Variants in IFRD1 observed in about 807,000 individuals in gnomAD.
IFRD1 encodes interferon-related developmental regulator 1.
IFRD1 carries 35 observed loss-of-function variants against 52.9 expected under a neutral mutation model. That is an observed-to-expected ratio of 0.66 (90% CI 0.51 to 0.88). The LOEUF (loss-of-function observed/expected upper bound fraction) is 0.88, where lower values mean the gene tolerates loss of function less well. Ranked by LOEUF, IFRD1 falls within the 40% of genes least tolerant of loss-of-function variation. IFRD1 has a pLI of 0.00. For synonymous variants in IFRD1, 184 were observed against 188.4 expected, an observed-to-expected ratio of 0.98 and a Z score of 0.19; for missense variants, 517 against 550.8, an observed-to-expected ratio of 0.94 and a Z score of 0.61.
upstream of IFRD1, among the ~76,000 whole-genome samples, chr7:112,445,559 T>C (rs535658082): frequency 6.6e-6 from 1 of 152,228 alleles, no homozygotes; most frequent in Non-Finnish European, 1.5e-5. Context: ...TTGCAATAAA[T>C]GTTAGCCTCA....
At chr7:112,471,898 C>T (rs917602930) in intron 9 of IFRD1, among the ~76,000 whole-genome samples, 10 of 152,110 alleles carry the variant, frequency 6.6e-5, no homozygotes, top group African/African-American at 2.4e-4. Context: ...CCTCTCCCAT[C>T]CTAGGCCATT....
intron 7 of IFRD1, 43 bp from the exon 8 acceptor site, chr7:112,462,227 A>G (rs1275224072): frequency 1.2e-6 from 2 of 1,609,386 alleles, no homozygotes; most frequent in East Asian, 2.2e-5. Context: ...TTTAGTGGAC[A>G]TAATTGGTTG....
chr7:112,424,139 C>T (rs1403771747), intron 1 of IFRD1, among the ~76,000 whole-genome samples: 1 of 152,086 alleles, frequency 6.6e-6, no homozygotes, highest in African/African-American at 2.4e-5. Flanking sequence ...AGGGAGCCAG[C>T]AGGTGGGGGT....
Position 112,464,890 on chromosome 7 carries a change from T to A in IFRD1, c.906+2512T>A, listed in dbSNP as rs185265519. On this transcript the variant is annotated intron_variant, in intron 8 of 11. Coordinates refer to ENST00000403825, the MANE Select transcript of IFRD1 (RefSeq NM_001550.4). The stretch of plus-strand genomic sequence containing the variant: ...ACCAAATATACTCCTTGGAGCCAAA[T>A]CTGAAATCACCTAGATTTTATACTT... Among the ~76,000 whole-genome samples the A allele has an allele frequency of 2.2e-3, 334 of 152,276 alleles. 1 individual carries two copies. The highest frequency in any genetic ancestry group is 7.6e-3 in the African/African-American group (317 of 41,558).
intron 1 of IFRD1, among the ~76,000 whole-genome samples, chr7:112,425,504 C>T (rs1794407802): frequency 6.6e-6 from 1 of 152,170 alleles, no homozygotes; most frequent in South Asian, 2.1e-4. Flanking sequence ...ATTCTAGGTT[C>T]TTTGGCTTTT....
intron 1 of IFRD1, among the ~76,000 whole-genome samples, chr7:112,428,913 C>T (rs1373595987): frequency 6.6e-6 from 1 of 152,172 alleles, no homozygotes; most frequent in Non-Finnish European, 1.5e-5. Flanking sequence ...CAATCCTCTT[C>T]TCAAAAGCTA....
At chr7:112,431,657 T>C (rs1245759815) in intron 1 of IFRD1, among the ~76,000 whole-genome samples, 2 of 152,224 alleles carry the variant, frequency 1.3e-5, no homozygotes, top group Admixed American at 6.5e-5. Flanking sequence ...ATAATCTGTT[T>C]CTCCACTATC....
chr7:112,440,890 C>T (rs1584474742), intron 1 of IFRD1, among the ~76,000 whole-genome samples: 1 of 152,156 alleles, frequency 6.6e-6, no homozygotes, highest in African/African-American at 2.4e-5. Flanking sequence ...AATCCCAGTA[C>T]TTTGGGACGC....
chr7:112,462,016 CTG>C lies in IFRD1; in HGVS notation c.635_636del (p.Leu212ArgfsTer9). The C allele has an allele frequency of 1.2e-6, 2 of 1,612,422 alleles. No homozygotes were observed. The highest frequency in any genetic ancestry group is 1.7e-6 in the Non-Finnish European group (2 of 1,178,814). On this transcript the variant is annotated frameshift_variant, in exon 7 of 12. Coordinates refer to ENST00000403825, the MANE Select transcript of IFRD1 (RefSeq NM_001550.4). LOFTEE classifies it high-confidence loss of function. ...TDDITELYST[L>X]ECLENIFTKS... The stretch of plus-strand genomic sequence containing the variant: ...TATGCATTAGGAACTATACTCAACT[CTG>C]GAATGTTTGGAAAATATCTTCACTA...
chr7:112,469,316 A>G (rs115372683), intron 9 of IFRD1, among the ~76,000 whole-genome samples: 2,286 of 152,294 alleles, frequency 0.015, 59 homozygotes, highest in African/African-American at 0.051. Context: ...TTAGAAAAGT[A>G]AAATCTAGGA....
At chr7:112,457,385 T>G (rs764549753) in intron 4 of IFRD1, 3 of 376,572 alleles carry the variant, frequency 8.0e-6, no homozygotes, top group Non-Finnish European at 1.4e-5. Flanking sequence ...ATATAAAACA[T>G]TGATTGTACC....
chr7:112,427,079 GC>G (rs1477836080), intron 1 of IFRD1, among the ~76,000 whole-genome samples: 1 of 152,096 alleles, frequency 6.6e-6, no homozygotes, highest in East Asian at 1.9e-4. Flanking sequence ...CTTAACCTTG[GC>G]AAAATAAGCT....
At chr7:112,441,440 G>GAA (rs34492608) in intron 1 of IFRD1, among the ~76,000 whole-genome samples, 104 of 144,924 alleles carry the variant, frequency 7.2e-4, no homozygotes, top group East Asian at 8.1e-4. Flanking sequence ...CACCATCTCA[G>GAA]AAAAAAAAAA....
At chr7:112,465,987 A>C (rs1584497825) in intron 8 of IFRD1, among the ~76,000 whole-genome samples, 1 of 152,176 alleles carries the variant, frequency 6.6e-6, no homozygotes, top group East Asian at 1.9e-4. Flanking sequence ...AAATAGATTT[A>C]TAATTTATAA....
intron 9 of IFRD1, among the ~76,000 whole-genome samples, chr7:112,468,544 G>C (rs966877140): frequency 1.1e-4 from 16 of 152,172 alleles, no homozygotes; most frequent in African/African-American, 3.4e-4. Flanking sequence ...GTGTTGCCCA[G>C]ACTGGAGTGC....
Position 112,442,320 on chromosome 7 carries a change from C to T in IFRD1, c.-181-8188C>T, listed in dbSNP as rs150142295. ...CCTTGCTTACTGATGTCTAAAATTC[C>T]ATCTTTAGCAGAGTCATTTCTTTCT... On this transcript the variant is annotated intron_variant, in intron 1 of 12. Coordinates refer to the IFRD1 transcript ENST00000005558. Among the ~76,000 whole-genome samples, 779 of 152,300 alleles carry T rather than the reference C, an allele frequency of 5.1e-3. 8 individuals carry two copies. Among genetic ancestry groups the T allele is most frequent in the African/African-American group, 0.017 (720 of 41,542 alleles).
chr7:112,467,731 G>A (rs1795645941), intron 8 of IFRD1: 3 of 456,266 alleles, frequency 6.6e-6, no homozygotes, highest in Non-Finnish European at 1.2e-5. Context: ...AATATTTGTT[G>A]GATGCATTTA....
At chr7:112,449,275 G>A (rs1273523613), upstream of IFRD1, among the ~76,000 whole-genome samples, 3 of 152,110 alleles carry the variant, frequency 2.0e-5, no homozygotes, top group South Asian at 4.1e-4. Context: ...GGGAGGGGGT[G>A]GTGCATCAAA....
At chr7:112,475,189 A>G (rs945612400) in intron 11 of IFRD1, among the ~76,000 whole-genome samples, 6 of 152,038 alleles carry the variant, frequency 3.9e-5, no homozygotes, top group African/African-American at 1.4e-4. Context: ...CAATCTCCTG[A>G]CCTCGTGATT....
Sources: gnomAD v4.1 joint callset for allele counts (sites outside exome capture counted in the v4.1 genomes callset) on GRCh38, gnomAD v4.1.1 for gene constraint, MANE v1.5 for transcripts, NCBI Gene and HGNC (gene_info 2026-07-23, HGNC 2026-07-21) for gene names.